Variants in NPAS3 observed in about 807,000 individuals in gnomAD.
The protein encoded by NPAS3 is neuronal PAS domain-containing protein 3.
A neutral mutation model predicts 73.1 loss-of-function variants in NPAS3; 14 were observed. The ratio of observed to expected loss-of-function variants is 0.19; its 90% CI spans 0.13 to 0.30. NPAS3 has a LOEUF of 0.30. NPAS3 is among the 10% of genes least tolerant of loss of function. The probability of loss-of-function intolerance (pLI) is 1.00; values close to 1 mark genes in which losing one functional copy is unlikely to be tolerated. For missense variants in NPAS3, 1,096 were observed against 1,250.0 expected, an observed-to-expected ratio of 0.88 and a Z score of 1.86; for synonymous variants, 620 against 541.5, an observed-to-expected ratio of 1.14 and a Z score of -2.01.
At chr14:33,781,458 G>A (rs1486988824) in intron 9 of NPAS3, among the ~76,000 whole-genome samples, 1 of 152,180 alleles carries the variant, frequency 6.6e-6, no homozygotes, top group Non-Finnish European at 1.5e-5. Flanking sequence ...TGTAAACACT[G>A]GAAGAAAAGG....
intron 1 of NPAS3, among the ~76,000 whole-genome samples, chr14:33,051,299 A>G (rs2040702938): frequency 1.3e-5 from 2 of 149,326 alleles, no homozygotes; most frequent in Non-Finnish European, 1.5e-5. Context: ...AAAAAAAAAG[A>G]GAGACTAAAG....
At chr14:33,680,336 G>T (rs1206912162) in intron 6 of NPAS3, among the ~76,000 whole-genome samples, 6 of 152,114 alleles carry the variant, frequency 3.9e-5, no homozygotes, top group Admixed American at 3.9e-4. Flanking sequence ...AAAGTGTTGT[G>T]TTTTACTCCT....
intron 1 of NPAS3, among the ~76,000 whole-genome samples, chr14:32,965,527 C>A (rs1164163355): frequency 2.0e-5 from 3 of 152,000 alleles, no homozygotes; most frequent in African/African-American, 7.3e-5. Flanking sequence ...TATAAAAACC[C>A]TAAACAAATC....
At chr14:33,789,389 A>C (rs1363365855) in intron 9 of NPAS3, among the ~76,000 whole-genome samples, 1 of 152,168 alleles carries the variant, frequency 6.6e-6, no homozygotes, top group South Asian at 2.1e-4. Flanking sequence ...CCTGGGCTTC[A>C]GAGGAGCAAG....
At chr14:33,383,070 G>A (rs1273416596) in intron 4 of NPAS3, among the ~76,000 whole-genome samples, 1 of 120,310 alleles carries the variant, frequency 8.3e-6, no homozygotes, top group African/African-American at 3.3e-5. Context: ...CTGTGTGACA[G>A]AGCAAAAGAC....
chr14:33,450,532 T>C (rs775852690), intron 4 of NPAS3, among the ~76,000 whole-genome samples: 4 of 152,238 alleles, frequency 2.6e-5, no homozygotes, highest in Non-Finnish European at 2.9e-5. Context: ...CTAGATGATA[T>C]GTGGAATAAT....
At chr14:33,578,583 C>T (rs1341804780) in intron 5 of NPAS3, among the ~76,000 whole-genome samples, 1 of 152,190 alleles carries the variant, frequency 6.6e-6, no homozygotes, top group Non-Finnish European at 1.5e-5. Flanking sequence ...AAAGGCCTGG[C>T]TTATCATAGG....
rs572985852 is a variant in NPAS3, at chr14:33,124,549, C to G, written c.140+68555C>G. 2.9e-4 allele frequency among the ~76,000 whole-genome samples: 44 copies of G among 152,070 alleles called. No individual in the cohort carries two copies. The South Asian group carries it at 2.9e-3, about 10-fold the overall frequency. ...TAGAACAATATTTGGCATGTCAGTA[C>G]TAGATATTTTTATTGCTAAGAAATA... On this transcript the variant is annotated intron_variant, in intron 2 of 11. Transcript: ENST00000356141.
chr14:33,616,566 G>A (rs1006613905), intron 5 of NPAS3, among the ~76,000 whole-genome samples: 6 of 152,148 alleles, frequency 3.9e-5, no homozygotes, highest in South Asian at 2.1e-4. Flanking sequence ...GTTGAGTTGC[G>A]GCTGGGATAG....
chr14:33,238,975 G>A (rs924039732), intron 3 of NPAS3, among the ~76,000 whole-genome samples: 10 of 151,922 alleles, frequency 6.6e-5, no homozygotes, highest in Admixed American at 2.6e-4. Flanking sequence ...CTGCTTATCA[G>A]TTGTCCTTCA....
chr14:33,332,063 A>G (rs1436532676), intron 3 of NPAS3, among the ~76,000 whole-genome samples: 1 of 152,218 alleles, frequency 6.6e-6, no homozygotes, highest in East Asian at 1.9e-4. Flanking sequence ...GAATATGTAA[A>G]TAAAATCTTT....
rs918484386 is a variant in NPAS3, at chr14:33,703,362, C to A, written c.733+26977C>A. ...TGAAAACATTTTTCAGGCTTAGTGG[C>A]ATGTACCTATAGTCCCAGACACTTG... is the stretch of plus-strand genomic sequence containing the variant. On this transcript the variant is annotated intron_variant, in intron 6 of 11. Coordinates refer to ENST00000356141, the Ensembl canonical transcript of NPAS3. Among the ~76,000 whole-genome samples, 5 of 151,938 alleles carry A rather than the reference C, an allele frequency of 3.3e-5. No homozygotes were observed. The East Asian group carries it at 9.7e-4, about 29-fold the overall frequency.
intron 3 of NPAS3, among the ~76,000 whole-genome samples, chr14:33,314,218 G>A (rs1324637690): frequency 1.3e-5 from 2 of 151,906 alleles, no homozygotes; most frequent in Admixed American, 6.6e-5. Context: ...TTAGATACAG[G>A]CTATACCCAT....
Position 33,676,322 on chromosome 14 carries a change from GGCACTGCTGAGGACGGA to G in NPAS3, c.673_689del (p.Thr225GlnfsTer26), listed in dbSNP as rs773324078. 1 of 1,611,838 alleles carries G rather than the reference GGCACTGCTGAGGACGGA, an allele frequency of 6.2e-7. No individual in the cohort carries two copies. The highest frequency in any genetic ancestry group is 8.5e-7 in the Non-Finnish European group (1 of 1,179,050). ...CCCTGGGCGGGGTCTCCTGTCACAGGGCACTGCTGAGGACGGAGCCAGCTCAGCATCTTCCTCCTCTC... is the reference window on the plus strand; with the variant it reads ...CCCTGGGCGGGGTCTCCTGTCACAGGGCCAGCTCAGCATCTTCCTCCTCTC... On this transcript the variant is annotated frameshift_variant, in exon 6 of 12. Coordinates refer to ENST00000356141, the Ensembl canonical transcript of NPAS3. LOFTEE classifies it high-confidence loss of function.
intron 2 of NPAS3, among the ~76,000 whole-genome samples, chr14:33,089,038 C>CAAAGATCAAAGGTAGATAAAACCAAA (rs57623601): frequency 6.9e-6 from 1 of 144,654 alleles, no homozygotes; most frequent in Non-Finnish European, 1.5e-5. Flanking sequence ...TCACCATCAT[C>CAAAGATCAAAGGTAGATAAAACCAAA]AAGATGAGGA....
At chr14:33,055,914 C>G (rs1027512853) in exon 2 of NPAS3, 21 of 809,964 alleles carry the variant, frequency 2.6e-5, no homozygotes, top group Non-Finnish European at 3.8e-5. Context: ...GAATAACTGC[C>G]CAGCATCCTC....
chr14:32,937,843 CAA>C (rs1223572916), upstream of NPAS3, among the ~76,000 whole-genome samples: 1 of 152,124 alleles, frequency 6.6e-6, no homozygotes, highest in Admixed American at 6.5e-5. Flanking sequence ...ATGACTGACC[CAA>C]GTCTCTGCGT....
intron 4 of NPAS3, among the ~76,000 whole-genome samples, chr14:33,488,912 C>T (rs868836611): frequency 3.9e-5 from 6 of 152,120 alleles, no homozygotes; most frequent in South Asian, 4.1e-4. Flanking sequence ...GAAGTGTGAA[C>T]GTGGGCAGTG....
intron 4 of NPAS3, among the ~76,000 whole-genome samples, chr14:33,411,796 A>G (rs1051187228): frequency 1.3e-5 from 2 of 150,390 alleles, no homozygotes; most frequent in African/African-American, 5.0e-5. Context: ...CTTAGTTTCA[A>G]TCTGCTAATT....
Sources: allele counts gnomAD v4.1 joint callset (sites outside exome capture counted in the v4.1 genomes callset), GRCh38; gene constraint gnomAD v4.1.1; transcripts MANE v1.5; gene names NCBI Gene and HGNC (gene_info 2026-07-23, HGNC 2026-07-21).